Variants in MACC1 observed in about 807,000 individuals in gnomAD.
MACC1 encodes the protein MET transcriptional regulator MACC1.
A neutral mutation model predicts 70.7 loss-of-function variants in MACC1; 79 were observed. The observed-to-expected ratio is 1.12, with a 90% CI of 0.93 to 1.35. The LOEUF (loss-of-function observed/expected upper bound fraction) is 1.35. Among genes scored for constraint, MACC1 ranks in the 40% most tolerant of loss-of-function variants. MACC1 has a pLI of 0.00. For synonymous variants in MACC1, 361 were observed against 347.2 expected (o/e 1.04, Z -0.44); for missense variants, 1,106 against 978.1 (o/e 1.13, Z -1.74).
At position 20,158,488 on chromosome 7, in the gene MACC1, T is replaced by C; in HGVS notation, c.1873A>G (p.Met625Val). The change falls in exon 5 of 7, where the codon ATG becomes GTG. Residue 625 changes from methionine to valine, a missense_variant. Physicochemically the swap from Met to Val is conservative, Grantham distance 21 (BLOSUM62 1). Coordinates refer to ENST00000400331, the MANE Select transcript of MACC1 (RefSeq NM_182762.4). ...KVISKEQVMF[M>V]SDSVFTTRNL... ...CTGGTTGTAAAGACACTATCTGACA[T>C]AAACATTACTTGCTCCTTTGAAATC... 6.2e-7 allele frequency: 1 copy of C among 1,614,044 alleles called. No homozygotes were observed. Among genetic ancestry groups the C allele is most frequent in the East Asian group, 2.2e-5 (1 of 44,862 alleles).
Position 20,140,458 on chromosome 7 carries a change from TG to T in MACC1, c.*487del, listed in dbSNP as rs764350621. The T allele has an allele frequency of 6.6e-6, 1 of 152,518 alleles. No individual in the cohort carries two copies. The highest frequency in any genetic ancestry group is 1.5e-5 in the Non-Finnish European group (1 of 68,284). 9.4% of individuals were successfully genotyped at this position (152,518 alleles called of 1,614,324 possible). A position where few individuals can be genotyped will look rare whatever the true frequency, so the allele number is the denominator to read the frequency against. On this transcript the variant is annotated 3_prime_UTR_variant, in exon 7 of 7. Coordinates refer to ENST00000400331, the MANE Select transcript of MACC1 (RefSeq NM_182762.4). ...CGGGCAGCCGTGACTGGCCACAGGG[TG>T]TGTGCTTGCTTCCCCTCTTTCTAGC...
intron 6 of MACC1, among the ~76,000 whole-genome samples, chr7:20,152,624 C>T (rs1583384178): frequency 1.3e-5 from 2 of 152,116 alleles, no homozygotes; most frequent in African/African-American, 4.8e-5. Flanking sequence ...TAGGGGCTTT[C>T]CTTTCTGCTT....
At chr7:20,188,502 G>A (rs148994790) in intron 1 of MACC1, among the ~76,000 whole-genome samples, 1 of 152,138 alleles carries the variant, frequency 6.6e-6, no homozygotes, top group African/African-American at 2.4e-5. Flanking sequence ...ACATCAGGAT[G>A]CTTTTTACAT....
chr7:20,146,021 C>T (rs1051569477), intron 6 of MACC1, among the ~76,000 whole-genome samples: 61 of 151,764 alleles, frequency 4.0e-4, no homozygotes, highest in African/African-American at 1.3e-3. Flanking sequence ...ATTAGTGAGG[C>T]GTGGTGGCAC....
intron 1 of MACC1, among the ~76,000 whole-genome samples, chr7:20,197,909 T>G (rs534922687): frequency 6.6e-6 from 1 of 152,352 alleles, no homozygotes; most frequent in African/African-American, 2.4e-5. Context: ...GCTTATATTG[T>G]TCACTAGAAA....
At chr7:20,202,581 C>T (rs1030730248) in intron 1 of MACC1, among the ~76,000 whole-genome samples, 6 of 152,108 alleles carry the variant, frequency 3.9e-5, no homozygotes, top group African/African-American at 1.4e-4. Context: ...ATTCCCTTTC[C>T]ACTATGCTTT....
At chr7:20,189,252 C>A (rs1053466415) in intron 1 of MACC1, among the ~76,000 whole-genome samples, 2 of 152,150 alleles carry the variant, frequency 1.3e-5, no homozygotes, top group East Asian at 1.9e-4. Flanking sequence ...TCACAAAATA[C>A]AATATGCTAT....
At chr7:20,169,561 T>A (rs1374142936) in intron 2 of MACC1, among the ~76,000 whole-genome samples, 1 of 152,340 alleles carries the variant, frequency 6.6e-6, no homozygotes, top group Middle Eastern at 3.4e-3. Flanking sequence ...GCTCCACTGC[T>A]TCCTAGAACA....
chr7:20,137,426 C>T lies in MACC1; in HGVS notation c.*3520G>A, dbSNP rs1222384034. On this transcript the variant is annotated 3_prime_UTR_variant, in exon 7 of 7. Coordinates refer to ENST00000400331, the MANE Select transcript of MACC1 (RefSeq NM_182762.4). ...ACAGTTAATGACACACTATTGAATG[C>T]TTCTACTTAATTGTTTCATATAAAG... The T allele has an allele frequency of 1.3e-5, 2 of 152,162 alleles. No homozygotes were observed. The highest frequency in any genetic ancestry group is 2.4e-5 in the African/African-American group (1 of 41,424). The allele number at this position is 152,162 out of a possible 1,614,324, so 9.4% of individuals were successfully genotyped here. A position where few individuals can be genotyped will look rare whatever the true frequency, so the allele number is the denominator to read the frequency against.
intron 3 of MACC1, among the ~76,000 whole-genome samples, chr7:20,163,282 A>G (rs1782163759): frequency 6.6e-6 from 1 of 152,218 alleles, no homozygotes; most frequent in African/African-American, 2.4e-5. Context: ...CCAATTATTG[A>G]CAAATATGTG....
chr7:20,141,904 G>T (rs1336450542), intron 6 of MACC1: 1 of 150,954 alleles, frequency 6.6e-6, no homozygotes, highest in East Asian at 2.0e-4. Flanking sequence ...GACAAAGGCA[G>T]ACCAAATAAG....
chr7:20,210,059 C>T (rs1345427289), intron 1 of MACC1, among the ~76,000 whole-genome samples: 3 of 152,186 alleles, frequency 2.0e-5, no homozygotes, highest in African/African-American at 7.2e-5. Flanking sequence ...AATTAAGCCT[C>T]TTTTCTTTAT....
intron 1 of MACC1, among the ~76,000 whole-genome samples, chr7:20,172,709 T>A (rs939351258): frequency 2.0e-5 from 3 of 152,204 alleles, no homozygotes; most frequent in African/African-American, 7.2e-5. Flanking sequence ...GACCTAAAAG[T>A]TGAACCCCAT....
intron 1 of MACC1, among the ~76,000 whole-genome samples, chr7:20,196,522 A>G (rs887433770): frequency 2.0e-5 from 3 of 152,072 alleles, no homozygotes; most frequent in Admixed American, 6.5e-5. Context: ...AATTAGGTAC[A>G]TCCAGTCACA....
intron 1 of MACC1, among the ~76,000 whole-genome samples, chr7:20,177,339 G>A (rs946618906): frequency 1.5e-4 from 23 of 152,028 alleles, no homozygotes; most frequent in African/African-American, 4.8e-4. Flanking sequence ...CTCTATTCTT[G>A]TAACTATTTT....
chr7:20,159,594 T>C lies in MACC1; in HGVS notation c.767A>G (p.Asp256Gly). 6.2e-7 allele frequency: 1 copy of C among 1,614,114 alleles called. No homozygotes were observed. Among genetic ancestry groups the C allele is most frequent in the Non-Finnish European group, 8.5e-7 (1 of 1,180,024 alleles). ...FQEVSLRAFLDPPHMLNHDLS... is the reference protein window; with the variant it reads ...FQEVSLRAFLGPPHMLNHDLS... ...ATCATGGTTAAGCATGTGTGGCGGA[T>C]CAAGGAAAGCCCTTAGAGACACCTC... is the stretch of plus-strand genomic sequence containing the variant. The change falls in exon 5 of 7, where the codon GAT (aspartate) becomes GGT (glycine). Residue 256 changes from aspartate (D) to glycine (G), a missense_variant. Asp to Gly is a moderately conservative substitution (Grantham distance 94, BLOSUM62 -1). Coordinates refer to ENST00000400331, the MANE Select transcript of MACC1 (RefSeq NM_182762.4).
At chr7:20,168,518 C>A (rs1358879936) in intron 2 of MACC1, among the ~76,000 whole-genome samples, 1 of 152,158 alleles carries the variant, frequency 6.6e-6, no homozygotes, top group East Asian at 1.9e-4. Context: ...CCAGCAATAC[C>A]TGGAATAAAG....
At chr7:20,179,207 C>A (rs777507642) in intron 1 of MACC1, among the ~76,000 whole-genome samples, 75 of 150,720 alleles carry the variant, frequency 5.0e-4, no homozygotes, top group Non-Finnish European at 8.0e-4. Context: ...TTTTCTTTTC[C>A]ATTTGTCCTT....
chr7:20,189,464 G>A (rs945306228), intron 1 of MACC1, among the ~76,000 whole-genome samples: 2 of 152,146 alleles, frequency 1.3e-5, no homozygotes, highest in African/African-American at 4.8e-5. Context: ...AACTGAGAAA[G>A]AAACAAATTA....
Sources: allele counts gnomAD v4.1 joint callset (sites outside exome capture counted in the v4.1 genomes callset), GRCh38; gene constraint gnomAD v4.1.1; transcripts MANE v1.5; gene names NCBI Gene and HGNC (gene_info 2026-07-23, HGNC 2026-07-21).